The following AGK variants were observed in gnomAD, a reference collection of about 807,000 sequenced individuals.
AGK encodes the protein acylglycerol kinase, mitochondrial.
Under a neutral mutation model 66.4 loss-of-function variants are expected in AGK, and 52 were observed. The ratio of observed to expected loss-of-function variants is 0.78; its 90% CI spans 0.63 to 0.99. AGK has a LOEUF of 0.99. AGK is among the 50% of genes least tolerant of loss of function. AGK has a pLI of 0.00. For missense variants in AGK, 451 were observed against 506.6 expected (o/e 0.89, Z 1.05); for synonymous variants, 182 against 181.1 (o/e 1.00, Z -0.04).
chr7:141,618,968 T>C (rs189042096), intron 8 of AGK, among the ~76,000 whole-genome samples: 3 of 152,190 alleles, frequency 2.0e-5, no homozygotes, highest in Admixed American at 2.0e-4. Flanking sequence ...TACAAAAACA[T>C]GAAATACATA....
In AGK at chr7:141,602,045, C is replaced by T. The variant is rs139311482; in HGVS notation, c.297+765C>T. The stretch of plus-strand genomic sequence containing the variant: ...GGAAGAAAACTAACATATTTGAGTA[C>T]CTGTAATGTGGCAGGTATGAGAGAC... On this transcript the variant is annotated intron_variant, in intron 5 of 15. Coordinates refer to ENST00000649286, the MANE Select transcript of AGK (RefSeq NM_018238.4). Among the ~76,000 whole-genome samples the T allele has an allele frequency of 6.5e-3, 995 of 152,132 alleles. 10 individuals carry two copies. The highest frequency in any genetic ancestry group is 0.023 in the African/African-American group (969 of 41,470).
intron 2 of AGK, among the ~76,000 whole-genome samples, chr7:141,564,582 G>A (rs1795426880): frequency 6.6e-6 from 1 of 152,212 alleles, no homozygotes; most frequent in African/African-American, 2.4e-5. Flanking sequence ...AGTTCAGGAT[G>A]AGATTTGGTG....
Position 141,630,433 on chromosome 7 carries a change from G to A in AGK, c.589-3468G>A, listed in dbSNP as rs76451058. 1.2e-4 allele frequency among the ~76,000 whole-genome samples: 19 copies of A among 152,122 alleles called. No individual in the cohort carries two copies. The East Asian group carries it at 2.9e-3, about 23-fold the overall frequency. The stretch of plus-strand genomic sequence containing the variant: ...ACTTCAAATGTCTCACCACAAAAAA[G>A]GATAAGTAAATGAGGTGATGAATAT... On this transcript the variant is annotated intron_variant, in intron 9 of 15. Coordinates refer to ENST00000649286, the MANE Select transcript of AGK (RefSeq NM_018238.4).
chr7:141,596,527 A>C (rs776351217), intron 3 of AGK, 35 bp from the exon 4 acceptor site: 11 of 1,572,450 alleles, frequency 7.0e-6, no homozygotes, highest in Middle Eastern at 1.7e-4. Flanking sequence ...AAATAAATGG[A>C]CTTTTACTGA....
chr7:141,553,661 G>A (rs1795146542), intron 1 of AGK, among the ~76,000 whole-genome samples: 1 of 152,200 alleles, frequency 6.6e-6, no homozygotes, highest in Non-Finnish European at 1.5e-5. Flanking sequence ...GAATGAAGGA[G>A]TGATTTAGGG....
intron 2 of AGK, among the ~76,000 whole-genome samples, chr7:141,587,176 C>T (rs1325562019): frequency 2.0e-5 from 3 of 152,206 alleles, no homozygotes; most frequent in Non-Finnish European, 4.4e-5. Flanking sequence ...TGACCCCTCA[C>T]CTTTTCTTTA....
intron 2 of AGK, chr7:141,562,196 G>T: frequency 2.2e-6 from 1 of 454,574 alleles, no homozygotes; most frequent in Admixed American, 2.3e-5. Context: ...GGTTAGCCAG[G>T]ATGTTGCAGG....
intron 2 of AGK, among the ~76,000 whole-genome samples, chr7:141,574,657 C>T (rs759828542): frequency 6.6e-5 from 10 of 152,102 alleles, no homozygotes; most frequent in Non-Finnish European, 1.0e-4. Flanking sequence ...AGCCTCCAGG[C>T]GATACATTTT....
intron 15 of AGK, 27 bp from the exon 16 acceptor site, chr7:141,652,760 C>G (rs1440333321): frequency 6.2e-7 from 1 of 1,611,118 alleles, no homozygotes; most frequent in Non-Finnish European, 8.5e-7. Context: ...TGTGTTTGAG[C>G]TGTTCTGAAT....
chr7:141,577,239 A>G lies in AGK; in HGVS notation c.102-15907A>G, dbSNP rs138007535. ...AACTTCAGCACCAACCTTAAGGCTG[A>G]TAAGAAACATTTACAATCCATTTTC... On this transcript the variant is annotated intron_variant, in intron 2 of 15. Transcript: ENST00000649286. Among the ~76,000 whole-genome samples the G allele has an allele frequency of 2.2e-3, 337 of 152,288 alleles. 1 individual carries two copies. Among genetic ancestry groups the G allele is most frequent in the Middle Eastern group, 6.8e-3 (2 of 294 alleles).
intron 2 of AGK, among the ~76,000 whole-genome samples, chr7:141,559,734 A>G (rs1370553075): frequency 1.3e-5 from 2 of 152,002 alleles, no homozygotes; most frequent in African/African-American, 2.4e-5. Context: ...TGAACACGGG[A>G]TGTCTTTTTA....
chr7:141,633,070 G>T (rs1797093044), intron 9 of AGK, among the ~76,000 whole-genome samples: 1 of 152,176 alleles, frequency 6.6e-6, no homozygotes, highest in African/African-American at 2.4e-5. Context: ...ACTGGCTGTG[G>T]TGGGAATCAA....
chr7:141,621,478 T>C (rs748227619), intron 8 of AGK, among the ~76,000 whole-genome samples: 2 of 152,138 alleles, frequency 1.3e-5, no homozygotes, highest in African/African-American at 2.4e-5. Flanking sequence ...ACTCAGTAAA[T>C]GTTAAATGAA....
At chr7:141,582,742 C>A (rs1456555964) in intron 2 of AGK, among the ~76,000 whole-genome samples, 1 of 151,822 alleles carries the variant, frequency 6.6e-6, no homozygotes, top group Admixed American at 6.5e-5. Context: ...AATTGCTGGG[C>A]AGATGGGGGA....
intron 2 of AGK, among the ~76,000 whole-genome samples, chr7:141,564,957 C>T (rs991219288): frequency 6.6e-6 from 1 of 152,094 alleles, no homozygotes; most frequent in African/African-American, 2.4e-5. Flanking sequence ...GAACTCCCAA[C>T]CTCAGGTGAT....
chr7:141,631,000 A>G (rs1488907974), intron 9 of AGK, among the ~76,000 whole-genome samples: 2 of 152,194 alleles, frequency 1.3e-5, no homozygotes, highest in Non-Finnish European at 2.9e-5. Context: ...GGTTCCATCA[A>G]TACTGAGTGG....
In AGK at chr7:141,633,923, T is replaced by C. The variant is rs1422298421; in HGVS notation, c.611T>C (p.Phe204Ser). ...CAGGGTGAAAAGGAACAGCCTGTAT[T>C]TGCAATGACCGGCCTTCGATGGGGA... is the stretch of plus-strand genomic sequence containing the variant. ...QIKGEKEQPV[F>S]AMTGLRWGSF... Residue 204 changes from phenylalanine to serine, a missense_variant, in exon 10 of 16, where the codon TTT becomes TCT. Physicochemically the swap from Phe to Ser is radical, Grantham distance 155 (BLOSUM62 -2). Coordinates refer to ENST00000649286, the MANE Select transcript of AGK (RefSeq NM_018238.4). 1.2e-5 allele frequency: 19 copies of C among 1,614,060 alleles called. No homozygotes were observed. The highest frequency in any genetic ancestry group is 1.4e-5 in the Non-Finnish European group (17 of 1,179,922).
intron 2 of AGK, among the ~76,000 whole-genome samples, chr7:141,565,978 C>T (rs1183385611): frequency 7.9e-5 from 12 of 152,172 alleles, no homozygotes; most frequent in Non-Finnish European, 1.6e-4. Context: ...TGTGCTTGGC[C>T]CCTGCATACA....
At chr7:141,590,991 G>T (rs555359778) in intron 2 of AGK, among the ~76,000 whole-genome samples, 2 of 151,936 alleles carry the variant, frequency 1.3e-5, no homozygotes, top group Non-Finnish European at 1.5e-5. Flanking sequence ...TTCACAAGGG[G>T]TGAGTCTCCT....
Sources: allele counts gnomAD v4.1 joint callset (sites outside exome capture counted in the v4.1 genomes callset), GRCh38; gene constraint gnomAD v4.1.1; transcripts MANE v1.5; gene names NCBI Gene and HGNC (gene_info 2026-07-23, HGNC 2026-07-21).